Variants in PRMT1 observed in about 807,000 individuals in gnomAD.
The protein encoded by PRMT1 is protein arginine N-methyltransferase 1.
A neutral mutation model predicts 47.4 loss-of-function variants in PRMT1; 5 were observed. That is an observed-to-expected ratio of 0.11 (90% CI 0.06 to 0.22). PRMT1 has a LOEUF of 0.22. Among genes scored for constraint, PRMT1 ranks in the 10% least tolerant of loss-of-function variants. The probability of loss-of-function intolerance (pLI) is 1.00; values close to 1 mark genes in which losing one functional copy is unlikely to be tolerated. For synonymous variants in PRMT1, 227 were observed against 204.6 expected (o/e 1.11, Z -0.94); for missense variants, 249 against 518.4 (o/e 0.48, Z 5.05).
At chr19:49,687,994 C>T in intron 10 of PRMT1, 168 bp from the exon 11 acceptor site, 1 of 679,948 alleles carries the variant, frequency 1.5e-6, no homozygotes, top group Non-Finnish European at 2.7e-6. Context: ...GGTGCTGTCC[C>T]TTGGCAGGGT....
chr19:49,677,437 G>A, intron 1 of PRMT1, 121 bp downstream of exon 1: 1 of 836,968 alleles, frequency 1.2e-6, no homozygotes, highest in Non-Finnish European at 1.7e-6. Flanking sequence ...GCCGCACACG[G>A]GGGCGCCGCA....
chr19:49,678,870 C>T (rs1419754705), intron 1 of PRMT1, among the ~76,000 whole-genome samples: 1 of 150,976 alleles, frequency 6.6e-6, no homozygotes, highest in Admixed American at 6.6e-5. Context: ...GATGGCCTGA[C>T]TCCCCAAGCC....
At position 49,684,857 on chromosome 19, in the gene PRMT1, G is replaced by T. The variant is rs2082180859; in HGVS notation, c.643+16G>T. 1.9e-6 allele frequency: 3 copies of T among 1,611,912 alleles called. No individual in the cohort carries two copies. Among genetic ancestry groups the T allele is most frequent in the Non-Finnish European group, 2.5e-6 (3 of 1,178,704 alleles). ...AAGATCCACTGTGAGCGCGGCCCGG[G>T]AGCTGGCGGGCGGGGCCTCGGGTGG... On this transcript the variant is annotated intron_variant, in intron 7 of 10. Transcript: ENST00000454376. This position sits in a 1 kb window ranked among gnomAD's most constrained non-coding sequence, Gnocchi z 6.2.
At position 49,685,619 on chromosome 19, in the gene PRMT1, G is replaced by T; in HGVS notation, c.760-474G>T. 1 of 1,015,518 alleles carries T rather than the reference G, an allele frequency of 9.8e-7. No homozygotes were observed. Among genetic ancestry groups the T allele is most frequent in the Non-Finnish European group, 1.2e-6 (1 of 848,454 alleles). 62.9% of individuals were successfully genotyped at this position (1,015,518 alleles called of 1,614,324 possible). ...GCCGGGTGAAGCTGGGTGGCTGACC[G>T]GGGGATCCTGTCGGGGAGGAGTAAG... On this transcript the variant is annotated intron_variant, in intron 8 of 10. Transcript: ENST00000454376. The surrounding 1 kb of genome is among the most constrained non-coding windows in gnomAD (Gnocchi z 4.7).
Position 49,684,668 on chromosome 19 carries a change from C to T in PRMT1, c.556-86C>T. The T allele has an allele frequency of 3.5e-6, 5 of 1,423,936 alleles. No homozygotes were observed. The highest frequency in any genetic ancestry group is 4.8e-6 in the Non-Finnish European group (5 of 1,038,090). 88.2% of individuals were successfully genotyped at this position (1,423,936 alleles called of 1,614,324 possible). A position where few individuals can be genotyped will look rare whatever the true frequency, so the allele number is the denominator to read the frequency against. ...GCTGCGACATGAGGGTGGCCCAGAC[C>T]AGGGCAGGAGGCCACATCTTGGAGG... On this transcript the variant is annotated intron_variant, in intron 6 of 10. Transcript: ENST00000454376. This position sits in a 1 kb window ranked among gnomAD's most constrained non-coding sequence, Gnocchi z 6.2.
rs1599950548 is a variant in PRMT1, at chr19:49,686,366, G to A, written c.910+123G>A. On this transcript the variant is annotated intron_variant, in intron 9 of 10. Coordinates refer to ENST00000454376, the MANE Select transcript of PRMT1 (RefSeq NM_001536.6). ...TGGGGACACGCGTGTTCCAGTGTGA[G>A]CTCTGCCATGTAGCAGTCACGTGGC... 5 of 1,363,200 alleles carry A rather than the reference G, an allele frequency of 3.7e-6. No homozygotes were observed. The East Asian group carries it at 1.3e-4, about 34-fold the overall frequency. 84.4% of individuals were successfully genotyped at this position (1,363,200 alleles called of 1,614,324 possible).
At chr19:49,686,584 C>A (rs772047619) in intron 9 of PRMT1, 21 bp from the exon 10 acceptor site, 1 of 1,605,430 alleles carries the variant, frequency 6.2e-7, no homozygotes, top group South Asian at 1.1e-5. Context: ...CCGAGGCCGG[C>A]TGACCCGCCC....
At chr19:49,686,516 A>G (rs1319209476) in intron 9 of PRMT1, 89 bp from the exon 10 acceptor site, 6 of 1,139,238 alleles carry the variant, frequency 5.3e-6, no homozygotes, top group South Asian at 1.4e-5. Context: ...ATCAGCTGTC[A>G]TGGGGGTGGG....
chr19:49,686,736 C>A lies in PRMT1; in HGVS notation c.1032+10C>A. The A allele has an allele frequency of 6.8e-7, 1 of 1,478,492 alleles. No individual in the cohort carries two copies. The highest frequency in any genetic ancestry group is 1.1e-5 in the South Asian group (1 of 88,934). 91.6% of individuals were successfully genotyped at this position (1,478,492 alleles called of 1,614,324 possible). On this transcript the variant is annotated intron_variant, in intron 10 of 10. Transcript: ENST00000454376. The stretch of plus-strand genomic sequence containing the variant: ...CAACGCCAAGAACAACGTGAGGCTC[C>A]GGGCAGCTGGGTGGGAGGGTGGCAG...
At chr19:49,679,724 C>G (rs1314738965) in intron 1 of PRMT1, 148 bp from the exon 2 acceptor site, 4 of 681,324 alleles carry the variant, frequency 5.9e-6, no homozygotes, top group Admixed American at 2.1e-5. Context: ...AACACCCCAC[C>G]TCATTACTTG....
chr19:49,681,999 C>G lies in PRMT1; in HGVS notation c.282C>G (p.Asp94Glu), dbSNP rs199719552. The G allele has an allele frequency of 6.2e-7, 1 of 1,614,174 alleles. No homozygotes were observed. The highest frequency in any genetic ancestry group is 1.1e-5 in the South Asian group (1 of 91,086). ...RHLFKDKVVL[D>E]VGSGTGILCM... Reference sequence around the variant, plus strand: ...TCTTCAAGGACAAGGTGGTGCTGGACGTCGGCTCGGGCACCGGCATCCTCT... The same window carrying G: ...TCTTCAAGGACAAGGTGGTGCTGGAGGTCGGCTCGGGCACCGGCATCCTCT... The change falls in exon 4 of 11, where the codon GAC (aspartate) becomes GAG (glutamate). Residue 94 changes from aspartate to glutamate, a missense_variant. Around this residue, in one of 2 missense-constraint regions of PRMT1, gnomAD observed 190 missense variants for 456.7 expected, o/e 0.42. Transcript: ENST00000454376. This position sits in a 1 kb window ranked among gnomAD's most constrained non-coding sequence, Gnocchi z 4.4.
At position 49,680,277 on chromosome 19, in the gene PRMT1, G is replaced by A. The variant is rs750791039; in HGVS notation, c.91-210G>A. 1.3e-6 allele frequency: 2 copies of A among 1,481,798 alleles called. No homozygotes were observed. The highest frequency in any genetic ancestry group is 1.7e-5 in the Admixed American group (1 of 59,114). The allele number at this position is 1,481,798 out of a possible 1,614,324, so 91.8% of individuals were successfully genotyped here. ...AGGTATCGGGGTGCTCCCCTGGATG[G>A]TGCTCTGGGGGGGTCCTGGAAGTGG... On this transcript the variant is annotated intron_variant, in intron 2 of 10. Coordinates refer to ENST00000454376, the MANE Select transcript of PRMT1 (RefSeq NM_001536.6). This position sits in a 1 kb window ranked among gnomAD's most constrained non-coding sequence, Gnocchi z 4.2.
At position 49,686,679 on chromosome 19, in the gene PRMT1, G is replaced by A. The variant is rs1424986568; in HGVS notation, c.985G>A (p.Glu329Lys). ...MEDYLTVKTG[E>K]EIFGTIGMRP... Reference sequence around the variant, plus strand: ...GGACTACCTGACCGTGAAGACGGGCGAGGAGATCTTCGGCACCATCGGCAT... The same window carrying A: ...GGACTACCTGACCGTGAAGACGGGCAAGGAGATCTTCGGCACCATCGGCAT... The change falls in exon 10 of 11, where the codon GAG becomes AAG. Residue 329 changes from glutamate (E) to lysine (K), a missense_variant. By Grantham distance (56) the Glu-to-Lys change is moderately conservative. Around this residue, in one of 2 missense-constraint regions of PRMT1, gnomAD observed 190 missense variants for 456.7 expected, o/e 0.42. Transcript: ENST00000454376. The A allele has an allele frequency of 6.2e-7, 1 of 1,612,482 alleles. No homozygotes were observed. Among genetic ancestry groups the A allele is most frequent in the Non-Finnish European group, 8.5e-7 (1 of 1,179,470 alleles).
upstream of PRMT1, among the ~76,000 whole-genome samples, chr19:49,676,908 A>T (rs368677274): frequency 1.3e-5 from 2 of 152,050 alleles, no homozygotes; most frequent in South Asian, 2.1e-4. Flanking sequence ...GTGTTTCAAG[A>T]CGCCCCTTTA....
chr19:49,679,680 T>G, intron 1 of PRMT1, 192 bp from the exon 2 acceptor site: 44 of 612,074 alleles, frequency 7.2e-5, no homozygotes, highest in East Asian at 2.3e-4. Flanking sequence ...GAGACCCCCC[T>G]TTCTTCTCCC....
Position 49,688,327 on chromosome 19 carries a change from T to TC in PRMT1, c.*85dup, listed in dbSNP as rs1306722375. 4 of 1,278,468 alleles carry TC rather than the reference T, an allele frequency of 3.1e-6. No homozygotes were observed. In the Admixed American group the frequency reaches 6.8e-5, roughly 22 times the overall value. The allele number at this position is 1,278,468 out of a possible 1,614,324, so 79.2% of individuals were successfully genotyped here. On this transcript the variant is annotated 3_prime_UTR_variant, in exon 11 of 11. Transcript: ENST00000454376. This position sits in a 1 kb window ranked among gnomAD's most constrained non-coding sequence, Gnocchi z 5.3. ...GGGGCTCCCCCTTCCTCTCCCTCCCTCCCGCAGAAGGGGGTTTTAGGGGCC... is the reference window on the plus strand; with the variant it reads ...GGGGCTCCCCCTTCCTCTCCCTCCCTCCCCGCAGAAGGGGGTTTTAGGGGCC...
At chr19:49,686,826 G>A (rs2123013660) in intron 10 of PRMT1, 100 bp downstream of exon 10, 1 of 463,248 alleles carries the variant, frequency 2.2e-6, no homozygotes, top group South Asian at 2.9e-5. Flanking sequence ...CGGGGGTAGG[G>A]GATGGGGGCA....
chr19:49,687,121 C>T (rs2082219555), intron 10 of PRMT1, among the ~76,000 whole-genome samples: 1 of 152,102 alleles, frequency 6.6e-6, no homozygotes, highest in South Asian at 2.1e-4. Context: ...AGGCAGCCCC[C>T]AGTAGAGTGC....
In PRMT1 at chr19:49,688,083, G is replaced by C. The variant is rs1055810587; in HGVS notation, c.1033-79G>C. On this transcript the variant is annotated intron_variant, in intron 10 of 10. Transcript: ENST00000454376. The surrounding 1 kb of genome is among the most constrained non-coding windows in gnomAD (Gnocchi z 5.3). ...GCAGGAAGCTGGAGCCCGGCTCATC[G>C]TCGCATAGCCTGCCTGCACCCGCCC... 2 of 1,261,380 alleles carry C rather than the reference G, an allele frequency of 1.6e-6. No homozygotes were observed. The highest frequency in any genetic ancestry group is 1.5e-5 in the African/African-American group (1 of 67,866). 78.1% of individuals were successfully genotyped at this position (1,261,380 alleles called of 1,614,324 possible).
Sources: allele counts gnomAD v4.1 joint callset (sites outside exome capture counted in the v4.1 genomes callset), GRCh38; gene constraint gnomAD v4.1.1; regional missense constraint gnomAD v4.1.1; non-coding constraint Gnocchi (gnomAD v3.1); transcripts MANE v1.5; gene names NCBI Gene and HGNC (gene_info 2026-07-23, HGNC 2026-07-21).